CSMD1: variants seen among roughly 807,000 people sequenced by gnomAD.
CSMD1 encodes CUB and sushi domain-containing protein 1.
CSMD1 carries 213 observed loss-of-function variants against 417.5 expected under a neutral mutation model. That is an observed-to-expected ratio of 0.51 (90% CI 0.46 to 0.57). CSMD1 has a LOEUF of 0.57. CSMD1 is among the 20% of genes least tolerant of loss of function. CSMD1 has a pLI of 0.00. For missense variants in CSMD1, 6,923 were observed against 4,529.7 expected (o/e 1.53, Z -15.17); for synonymous variants, 2,862 against 1,736.8 (o/e 1.65, Z -16.11).
intron 7 of CSMD1, among the ~76,000 whole-genome samples, chr8:3,618,679 A>G (rs1233554747): frequency 6.6e-6 from 1 of 152,190 alleles, no homozygotes; most frequent in Non-Finnish European, 1.5e-5. Flanking sequence ...CTACCAGAAG[A>G]TTAAAATAAT....
At chr8:3,845,173 G>T (rs1164784503) in intron 5 of CSMD1, among the ~76,000 whole-genome samples, 2 of 152,198 alleles carry the variant, frequency 1.3e-5, no homozygotes, top group Non-Finnish European at 2.9e-5. Context: ...ATGGGAATTA[G>T]AAAACACATA....
intron 10 of CSMD1, among the ~76,000 whole-genome samples, chr8:3,568,342 T>C (rs997257460): frequency 6.6e-6 from 1 of 152,184 alleles, no homozygotes; most frequent in African/African-American, 2.4e-5. Context: ...CTGAGTAATA[T>C]TTCATTGTGC....
rs147865728 is a variant in CSMD1, at chr8:3,387,350, G to C, written c.2782+144C>G. The stretch of plus-strand genomic sequence containing the variant: ...AACTTCAAATGATCGGGAATGATAC[G>C]ATGATGGTATACAACTTCTCAGAGG... On this transcript the variant is annotated intron_variant, in intron 18 of 69. Transcript: ENST00000635120. 260 of 608,574 alleles carry C rather than the reference G, an allele frequency of 4.3e-4. 3 individuals carry two copies. In the East Asian group the frequency reaches 7.2e-3, roughly 17 times the overall value. The allele number at this position is 608,574 out of a possible 1,614,324, so 37.7% of individuals were successfully genotyped here. A position where few individuals can be genotyped will look rare whatever the true frequency, so the allele number is the denominator to read the frequency against.
At chr8:3,371,818 G>C (rs1809971096) in intron 18 of CSMD1, among the ~76,000 whole-genome samples, 1 of 152,168 alleles carries the variant, frequency 6.6e-6, no homozygotes, top group Non-Finnish European at 1.5e-5. Flanking sequence ...AATATTTTAA[G>C]AATTTCTCAT....
intron 4 of CSMD1, among the ~76,000 whole-genome samples, chr8:4,020,124 T>G (rs774796647): frequency 2.6e-5 from 4 of 152,162 alleles, no homozygotes; most frequent in African/African-American, 4.8e-5. Context: ...TCAGGCTCTT[T>G]GCTAACCATT....
At chr8:4,123,236 G>A (rs571046647) in intron 3 of CSMD1, among the ~76,000 whole-genome samples, 3 of 152,314 alleles carry the variant, frequency 2.0e-5, no homozygotes, top group East Asian at 1.9e-4. Context: ...GTTAATGACA[G>A]AAACATGTAG....
intron 3 of CSMD1, among the ~76,000 whole-genome samples, chr8:4,369,387 C>T (rs1687049049): frequency 6.6e-6 from 1 of 151,990 alleles, no homozygotes; most frequent in African/African-American, 2.4e-5. Context: ...AGACTGTGTG[C>T]CATGTGCAGG....
chr8:3,804,387 A>G (rs1800617711), intron 5 of CSMD1, among the ~76,000 whole-genome samples: 1 of 152,232 alleles, frequency 6.6e-6, no homozygotes, highest in South Asian at 2.1e-4. Context: ...ACCGGACACA[A>G]ATAAAAAATA....
chr8:3,525,088 CTT>C (rs1797699966), intron 10 of CSMD1, among the ~76,000 whole-genome samples: 1 of 152,170 alleles, frequency 6.6e-6, no homozygotes, highest in Non-Finnish European at 1.5e-5. Context: ...AAGTGAATCT[CTT>C]ATTTTTCAAG....
At chr8:3,871,937 A>C (rs893790219) in intron 5 of CSMD1, among the ~76,000 whole-genome samples, 2 of 152,176 alleles carry the variant, frequency 1.3e-5, no homozygotes, top group African/African-American at 4.8e-5. Flanking sequence ...CTTCTGAAAA[A>C]CACAGCCTAA....
chr8:4,832,461 A>C (rs1041610954), intron 1 of CSMD1, among the ~76,000 whole-genome samples: 1 of 152,204 alleles, frequency 6.6e-6, no homozygotes. Context: ...CAGGGAAAAA[A>C]TTACAAATTG....
intron 7 of CSMD1, among the ~76,000 whole-genome samples, chr8:3,667,903 C>G (rs892023860): frequency 1.3e-5 from 2 of 152,124 alleles, no homozygotes; most frequent in Admixed American, 1.3e-4. Flanking sequence ...TCATCAAAGA[C>G]TCTGTATGTT....
At chr8:3,672,322 T>C (rs781683810) in intron 7 of CSMD1, among the ~76,000 whole-genome samples, 2 of 150,130 alleles carry the variant, frequency 1.3e-5, no homozygotes, top group Non-Finnish European at 3.0e-5. Flanking sequence ...GTTCTCCCAA[T>C]GGCTTCTGAC....
At chr8:4,798,858 A>T (rs1798125128) in intron 1 of CSMD1, among the ~76,000 whole-genome samples, 1 of 152,222 alleles carries the variant, frequency 6.6e-6, no homozygotes, top group Non-Finnish European at 1.5e-5. Flanking sequence ...TGTATATCAC[A>T]GATGCCATAA....
At chr8:3,144,593 A>G (rs1199839794) in intron 40 of CSMD1, among the ~76,000 whole-genome samples, 1 of 152,102 alleles carries the variant, frequency 6.6e-6, no homozygotes, top group Non-Finnish European at 1.5e-5. Flanking sequence ...CCATTCTAAC[A>G]TCGTCTGCTG....
chr8:4,647,181 G>T (rs1322759004), intron 1 of CSMD1, among the ~76,000 whole-genome samples: 1 of 151,284 alleles, frequency 6.6e-6, no homozygotes, highest in African/African-American at 2.4e-5. Flanking sequence ...GGACAAATAG[G>T]CCACTGGGCC....
chr8:4,802,462 A>C (rs934744371), intron 1 of CSMD1, among the ~76,000 whole-genome samples: 1 of 152,080 alleles, frequency 6.6e-6, no homozygotes, highest in Non-Finnish European at 1.5e-5. Context: ...GTGGACTTGA[A>C]AACAAACCAC....
At chr8:3,952,468 A>G (rs1811657481) in intron 5 of CSMD1, among the ~76,000 whole-genome samples, 1 of 152,232 alleles carries the variant, frequency 6.6e-6, no homozygotes, top group Non-Finnish European at 1.5e-5. Context: ...ATACACTTTA[A>G]CTCAGTTTTA....
intron 26 of CSMD1, among the ~76,000 whole-genome samples, chr8:3,234,533 G>A (rs1384050860): frequency 6.6e-6 from 1 of 152,128 alleles, no homozygotes; most frequent in African/African-American, 2.4e-5. Flanking sequence ...GTTTTTCAAT[G>A]GAAAGAGAGC....
Sources: gnomAD v4.1 joint callset for allele counts (sites outside exome capture counted in the v4.1 genomes callset) on GRCh38, gnomAD v4.1.1 for gene constraint, MANE v1.5 for transcripts, NCBI Gene and HGNC (gene_info 2026-07-23, HGNC 2026-07-21) for gene names.